UGGT2: variants seen among roughly 807,000 people sequenced by gnomAD.
The protein encoded by UGGT2 is UDP-glucose glycoprotein glucosyltransferase 2.
In UGGT2, 180 loss-of-function variants were observed where a neutral mutation model predicts 192.1. The ratio of observed to expected loss-of-function variants is 0.94; its 90% confidence interval spans 0.83 to 1.06. UGGT2 has a LOEUF of 1.06. Ranked by LOEUF, UGGT2 falls within the 50% of genes least tolerant of loss-of-function variation. The pLI is 0.00. For synonymous variants in UGGT2, 580 were observed against 591.0 expected (o/e 0.98, Z 0.27); for missense variants, 1,849 against 1,795.7 (o/e 1.03, Z -0.54).
At chr13:95,996,251 C>T (rs1209990844) in intron 6 of UGGT2, 116 bp from the exon 7 acceptor site, 2 of 867,790 alleles carry the variant, frequency 2.3e-6, no homozygotes, top group African/African-American at 3.4e-5. Context: ...CCTGTAATCC[C>T]AGCACTTTGG....
Position 95,949,360 on chromosome 13 carries a change from GA to G in UGGT2, c.1429del (p.Ser477ProfsTer2). ...LKPVFPGSVP[S>X]IRRNFHNLVL... Reference sequence around the variant, plus strand: ...CAAATTATGAAAATTGCGCCTTATGGAAGGTACACTTCCAGGAAATACTGGC... The same window carrying G: ...CAAATTATGAAAATTGCGCCTTATGGAGGTACACTTCCAGGAAATACTGGC... On this transcript the variant is annotated frameshift_variant, in exon 13 of 39. Transcript: ENST00000376747. LOFTEE classifies it high-confidence loss of function. 1 of 1,568,900 alleles carries G rather than the reference GA, an allele frequency of 6.4e-7. No homozygotes were observed. The highest frequency in any genetic ancestry group is 1.2e-5 in the South Asian group (1 of 82,000).
intron 17 of UGGT2, among the ~76,000 whole-genome samples, chr13:95,928,322 G>A (rs919793874): frequency 5.5e-4 from 84 of 151,586 alleles, no homozygotes; most frequent in Admixed American, 4.5e-3. Flanking sequence ...CCGACGGGAC[G>A]GCTGGCCTGG....
chr13:95,948,218 TAC>T (rs149949392), intron 13 of UGGT2, 137 bp from the exon 14 acceptor site: 22,044 of 315,328 alleles, frequency 0.07, 255 homozygotes, highest in African/African-American at 0.093. Context: ...TTCTAAGGAA[TAC>T]ACACACACAC....
At chr13:95,872,698 G>A (rs890377868) in intron 29 of UGGT2, among the ~76,000 whole-genome samples, 1 of 152,090 alleles carries the variant, frequency 6.6e-6, no homozygotes, top group African/African-American at 2.4e-5. Flanking sequence ...AAAGTTGTCT[G>A]TGAATGAGAA....
At chr13:95,921,969 C>A (rs1248801225) in intron 20 of UGGT2, among the ~76,000 whole-genome samples, 2 of 152,152 alleles carry the variant, frequency 1.3e-5, no homozygotes, top group Non-Finnish European at 2.9e-5. Flanking sequence ...AAAAAAGACA[C>A]CTGCACTCAT....
chr13:95,904,913 C>G (rs374765683), intron 20 of UGGT2, among the ~76,000 whole-genome samples: 1 of 151,520 alleles, frequency 6.6e-6, no homozygotes, highest in Non-Finnish European at 1.5e-5. Flanking sequence ...GTCCCACCAA[C>G]AGTGTAAAAG....
chr13:95,853,828 TTTTAAG>T (rs1889300983), intron 35 of UGGT2, among the ~76,000 whole-genome samples, 171 bp from the exon 36 acceptor site: 1 of 152,082 alleles, frequency 6.6e-6, no homozygotes, highest in African/African-American at 2.4e-5. Context: ...TTCCCAAGAG[TTTTAAG>T]TTTGTTTTAA....
At chr13:95,837,544 G>A (rs986806462) in intron 36 of UGGT2, among the ~76,000 whole-genome samples, 5 of 152,112 alleles carry the variant, frequency 3.3e-5, no homozygotes, top group Non-Finnish European at 7.4e-5. Flanking sequence ...TGCAATTACT[G>A]TTCATATTGG....
intron 12 of UGGT2, among the ~76,000 whole-genome samples, chr13:95,950,162 A>C (rs943856702): frequency 6.6e-6 from 1 of 152,168 alleles, no homozygotes; most frequent in Non-Finnish European, 1.5e-5. Context: ...GGAGAGAAGG[A>C]AACTGCAGGA....
intron 22 of UGGT2, among the ~76,000 whole-genome samples, chr13:95,896,795 G>T (rs889840219): frequency 6.6e-6 from 1 of 151,966 alleles, no homozygotes; most frequent in African/African-American, 2.4e-5. Flanking sequence ...GTCCAAGTTG[G>T]GTAAAAGAAC....
At chr13:96,013,234 C>G in intron 5 of UGGT2, 73 bp downstream of exon 5, 1 of 1,385,248 alleles carries the variant, frequency 7.2e-7, no homozygotes. Flanking sequence ...ATATTTAAAT[C>G]TAGTAAGACG....
intron 20 of UGGT2, among the ~76,000 whole-genome samples, chr13:95,921,617 A>C (rs2048848295): frequency 6.6e-6 from 1 of 152,168 alleles, no homozygotes; most frequent in South Asian, 2.1e-4. Flanking sequence ...CCCATTACAG[A>C]GTGAGCAAAG....
chr13:95,895,225 T>C lies in UGGT2; in HGVS notation c.2714A>G (p.Glu905Gly). 6.3e-7 allele frequency: 1 copy of C among 1,581,526 alleles called. No individual in the cohort carries two copies. The highest frequency in any genetic ancestry group is 8.6e-7 in the Non-Finnish European group (1 of 1,167,738). Residue 905 changes from glutamate to glycine, a missense_variant, in exon 23 of 39, where the codon GAG becomes GGG. Coordinates refer to ENST00000376747, the MANE Select transcript of UGGT2 (RefSeq NM_020121.4). Reference sequence around the variant, plus strand: ...ATTTTCAACAATGCCTTTAATTTTCTCTCCTAAATTACTAAATGTTATCTT... The same window carrying C: ...ATTTTCAACAATGCCTTTAATTTTCCCTCCTAAATTACTAAATGTTATCTT... ...LEKITFSNLG[E>G]KIKGIVENMG...
At chr13:95,827,326 C>T (rs921001048) in intron 38 of UGGT2, among the ~76,000 whole-genome samples, 1 of 152,070 alleles carries the variant, frequency 6.6e-6, no homozygotes, top group African/African-American at 2.4e-5. Context: ...AGGATCTTTA[C>T]AGAGGAAATC....
intron 12 of UGGT2, among the ~76,000 whole-genome samples, chr13:95,967,111 T>C (rs1217458114): frequency 7.2e-5 from 11 of 152,084 alleles, no homozygotes; most frequent in Admixed American, 7.2e-4. Flanking sequence ...GGAGAGAAAT[T>C]ACTAGACAAA....
At chr13:95,865,624 AC>A (rs1480554277) in intron 30 of UGGT2, among the ~76,000 whole-genome samples, 3 of 152,210 alleles carry the variant, frequency 2.0e-5, no homozygotes, top group Non-Finnish European at 4.4e-5. Context: ...AGATCGGGCC[AC>A]TGAACTCCAG....
chr13:96,017,211 T>C (rs566425580), intron 4 of UGGT2, among the ~76,000 whole-genome samples: 3 of 152,184 alleles, frequency 2.0e-5, no homozygotes, highest in Non-Finnish European at 4.4e-5. Flanking sequence ...GGACTTGATG[T>C]TGGAACGAGT....
intron 21 of UGGT2, among the ~76,000 whole-genome samples, chr13:95,901,399 AAAGT>A (rs980024952): frequency 2.0e-5 from 3 of 152,162 alleles, no homozygotes; most frequent in Non-Finnish European, 1.5e-5. Flanking sequence ...GGAAATAATA[AAAGT>A]AATGCTTGGT....
chr13:95,866,816 C>T (rs1202387413), intron 30 of UGGT2, among the ~76,000 whole-genome samples: 1 of 152,118 alleles, frequency 6.6e-6, no homozygotes, highest in African/African-American at 2.4e-5. Context: ...TTTCACTAGG[C>T]TCGCATTTTC....
Sources: gnomAD v4.1 joint callset for allele counts (sites outside exome capture counted in the v4.1 genomes callset) on GRCh38, gnomAD v4.1.1 for gene constraint, MANE v1.5 for transcripts, NCBI Gene and HGNC (gene_info 2026-07-23, HGNC 2026-07-21) for gene names.